The following PPL variants were observed in gnomAD, a reference collection of about 807,000 sequenced individuals.
PPL encodes periplakin, also known as 190 kDa paraneoplastic pemphigus antigen.
A neutral mutation model predicts 194.4 loss-of-function variants in PPL; 198 were observed. That is an observed-to-expected ratio of 1.02 (90% CI 0.91 to 1.15). The LOEUF (loss-of-function observed/expected upper bound fraction) is 1.15. Ranked by LOEUF, PPL falls within the 50% of genes most tolerant of loss-of-function variation. The pLI, the probability that PPL is intolerant of heterozygous loss-of-function variation, is 0.00. For missense variants in PPL, 2,885 were observed against 2,294.8 expected, an observed-to-expected ratio of 1.26 and a Z score of -5.25; for synonymous variants, 1,220 against 972.4, an observed-to-expected ratio of 1.25 and a Z score of -4.74.
chr16:4,930,065 A>G (rs776905319), intron 1 of PPL, among the ~76,000 whole-genome samples: 4 of 152,222 alleles, frequency 2.6e-5, no homozygotes, highest in Non-Finnish European at 5.9e-5. Flanking sequence ...CTAAAAATGT[A>G]TATATGCAAG....
chr16:4,905,933 CATTT>C, intron 2 of PPL, among the ~76,000 whole-genome samples: 1 of 152,196 alleles, frequency 6.6e-6, no homozygotes, highest in Admixed American at 6.5e-5. Context: ...AGTGAGACCC[CATTT>C]ATTAAAAAAT....
At chr16:4,926,530 A>G (rs1354501193) in intron 1 of PPL, among the ~76,000 whole-genome samples, 1 of 152,202 alleles carries the variant, frequency 6.6e-6, no homozygotes, top group Non-Finnish European at 1.5e-5. Flanking sequence ...CAACTATTCA[A>G]AAGCTTGTAA....
chr16:4,906,870 A>C (rs1177514233), intron 2 of PPL, among the ~76,000 whole-genome samples: 1 of 152,214 alleles, frequency 6.6e-6, no homozygotes, highest in Non-Finnish European at 1.5e-5. Context: ...CTATTGATGC[A>C]AAAATTCACC....
intron 18 of PPL, among the ~76,000 whole-genome samples, 176 bp from the exon 19 acceptor site, chr16:4,889,237 TGTTG>T (rs1449713100): frequency 1.2e-5 from 1 of 82,448 alleles, no homozygotes; most frequent in African/African-American, 3.3e-5. Context: ...TTTTTGTTGT[TGTTG>T]TTTTTTTTTT....
chr16:4,931,908 T>C (rs1206404952), intron 1 of PPL, among the ~76,000 whole-genome samples: 3 of 152,166 alleles, frequency 2.0e-5, no homozygotes, highest in African/African-American at 7.2e-5. Context: ...TTATCCAGTC[T>C]CATTCCTTCT....
At chr16:4,923,017 C>T (rs1203591108) in intron 1 of PPL, among the ~76,000 whole-genome samples, 1 of 152,208 alleles carries the variant, frequency 6.6e-6, no homozygotes, top group Non-Finnish European at 1.5e-5. Context: ...CCCGCTTCAG[C>T]TGTCTTGGGT....
intron 4 of PPL, among the ~76,000 whole-genome samples, chr16:4,901,357 A>T (rs2088566473): frequency 6.6e-6 from 1 of 152,172 alleles, no homozygotes; most frequent in South Asian, 2.1e-4. Flanking sequence ...CTGAGGCTGA[A>T]TGAGGGCCAG....
At chr16:4,894,062 T>C (rs1486431746) in intron 12 of PPL, among the ~76,000 whole-genome samples, 2 of 152,178 alleles carry the variant, frequency 1.3e-5, no homozygotes, top group Non-Finnish European at 2.9e-5. Context: ...CCAATGAGAC[T>C]GACGCATACG....
At chr16:4,900,900 G>A in intron 5 of PPL, 29 bp from the exon 6 acceptor site, 1 of 1,614,144 alleles carries the variant, frequency 6.2e-7, no homozygotes, top group South Asian at 1.1e-5. Context: ...GCATGGGTCA[G>A]GGCCAGGAAG....
chr16:4,886,085 T>C (rs2088215425), intron 21 of PPL, 38 bp from the exon 22 acceptor site: 2 of 1,612,352 alleles, frequency 1.2e-6, no homozygotes, highest in Non-Finnish European at 8.5e-7. Flanking sequence ...AAAGCCAGGC[T>C]CTGGCAGCAC....
At chr16:4,889,378 C>A (rs1195769402) in intron 18 of PPL, among the ~76,000 whole-genome samples, 3 of 150,954 alleles carry the variant, frequency 2.0e-5, no homozygotes, top group East Asian at 3.9e-4. Context: ...CCTCAGCCTC[C>A]CAAGTAGCTG....
chr16:4,932,800 G>A (rs763800309), intron 1 of PPL, among the ~76,000 whole-genome samples: 2 of 152,008 alleles, frequency 1.3e-5, no homozygotes, highest in African/African-American at 2.4e-5. Context: ...CCAGGTCATG[G>A]GCTGGACCCA....
intron 1 of PPL, among the ~76,000 whole-genome samples, chr16:4,926,685 C>T (rs1173642143): frequency 6.6e-6 from 1 of 152,044 alleles, no homozygotes; most frequent in Non-Finnish European, 1.5e-5. Flanking sequence ...ACCATCCTGG[C>T]TAACATGGTG....
rs777389788 is a variant in PPL, at chr16:4,883,955, T to C, written c.4700A>G (p.Lys1567Arg). ...ELDFLREENH[K>R]LQLERQNLQL... Reference sequence around the variant, plus strand: ...CAGGTTTTGCCTCTCCAGCTGTAATTTGTGGTTCTCTTCCCTCAGAAAGTC... The same window carrying C: ...CAGGTTTTGCCTCTCCAGCTGTAATCTGTGGTTCTCTTCCCTCAGAAAGTC... Residue 1567 changes from lysine (K) to arginine (R), a missense_variant, in exon 22 of 22, where the codon AAA (lysine) becomes AGA (arginine). Coordinates refer to ENST00000345988, the MANE Select transcript of PPL (RefSeq NM_002705.5). This position sits in a 1 kb window ranked among gnomAD's most constrained non-coding sequence, Gnocchi z 4.8. The C allele has an allele frequency of 4.3e-6, 7 of 1,613,998 alleles. No individual in the cohort carries two copies. Among genetic ancestry groups the C allele is most frequent in the Admixed American group, 3.3e-5 (2 of 59,988 alleles).
intron 1 of PPL, among the ~76,000 whole-genome samples, chr16:4,915,833 CTG>C (rs919189480): frequency 5.3e-5 from 8 of 152,114 alleles, no homozygotes; most frequent in African/African-American, 1.7e-4. Context: ...GGTGTGGAAA[CTG>C]AGGATCAGAG....
chr16:4,897,763 ATG>A lies in PPL; in HGVS notation c.882_883del (p.Met295GlyfsTer55). 1 of 1,613,288 alleles carries A rather than the reference ATG, an allele frequency of 6.2e-7. No homozygotes were observed. The highest frequency in any genetic ancestry group is 8.5e-7 in the Non-Finnish European group (1 of 1,179,580). On this transcript the variant is annotated frameshift_variant, in exon 9 of 22. Coordinates refer to ENST00000345988, the MANE Select transcript of PPL (RefSeq NM_002705.5). LOFTEE classifies it high-confidence loss of function. ...CTTCCAGTCTGCGTGCACAGCCTCC[ATG>A]TGCGCCTGCCAGGAAGAGAAGGGGC...
chr16:4,890,745 G>C lies in PPL; in HGVS notation c.2145C>G (p.Arg715=). Residue 715 remains arginine, a synonymous_variant, in exon 17 of 22, where the codon CGC becomes CGG. Transcript: ENST00000345988. ...HKLGQRFNNL[R]QQVERRAQSL... is the part of the protein sequence containing the mutation. ...ACCCTCACCTGCGTTCCACCTGCTG[G>C]CGCAGGTTGTTGAAACGCTGGCCCA... 6.2e-7 allele frequency: 1 copy of C among 1,607,810 alleles called. No individual in the cohort carries two copies. Among genetic ancestry groups the C allele is most frequent in the Non-Finnish European group, 8.5e-7 (1 of 1,177,762 alleles).
intron 2 of PPL, 137 bp from the exon 3 acceptor site, chr16:4,904,177 T>G: frequency 1.1e-6 from 1 of 914,972 alleles, no homozygotes; most frequent in Non-Finnish European, 1.6e-6. Context: ...GGCTTGTCCA[T>G]ATGGAGCGCA....
intron 1 of PPL, among the ~76,000 whole-genome samples, chr16:4,915,207 T>G (rs577505849): frequency 4.7e-4 from 72 of 152,134 alleles, no homozygotes; most frequent in African/African-American, 1.7e-3. Context: ...GACATGGGAG[T>G]TGTGGGGCAA....
Sources: allele counts gnomAD v4.1 joint callset (sites outside exome capture counted in the v4.1 genomes callset), GRCh38; gene constraint gnomAD v4.1.1; non-coding constraint Gnocchi (gnomAD v3.1); transcripts MANE v1.5; gene names NCBI Gene and HGNC (gene_info 2026-07-23, HGNC 2026-07-21).